Variants in ADAMTSL1 observed in about 807,000 individuals in gnomAD.
ADAMTSL1 encodes ADAMTS-like protein 1.
ADAMTSL1 carries 126 observed loss-of-function variants against 201.8 expected under a neutral mutation model. The ratio of observed to expected loss-of-function variants is 0.62; its 90% CI spans 0.54 to 0.72. The LOEUF is 0.72. ADAMTSL1 is among the 30% of genes least tolerant of loss of function. ADAMTSL1 has a pLI of 0.00. For synonymous variants in ADAMTSL1, 1,121 were observed against 903.4 expected, an observed-to-expected ratio of 1.24 and a Z score of -4.32; for missense variants, 2,679 against 2,277.8, an observed-to-expected ratio of 1.18 and a Z score of -3.59.
intron 3 of ADAMTSL1, 45 bp downstream of exon 3, chr9:18,533,337 A>G (rs1470156641): frequency 1.9e-6 from 3 of 1,555,920 alleles, no homozygotes; most frequent in Non-Finnish European, 2.6e-6. Flanking sequence ...TTTTGTTAGC[A>G]CTGAATGGTG....
chr9:18,904,732 C>CTTTTT (rs373922316), intron 26 of ADAMTSL1, among the ~76,000 whole-genome samples: 6 of 55,248 alleles, frequency 1.1e-4, no homozygotes, highest in African/African-American at 2.7e-4. Context: ...GTTAAGGGGG[C>CTTTTT]TTTTTTTTTT....
At chr9:18,027,182 C>G (rs772966333) in intron 1 of ADAMTSL1, among the ~76,000 whole-genome samples, 8 of 150,416 alleles carry the variant, frequency 5.3e-5, no homozygotes, top group Admixed American at 1.3e-4. Flanking sequence ...TTCATTGGTC[C>G]TTTGTATAGA....
intron 2 of ADAMTSL1, among the ~76,000 whole-genome samples, chr9:18,310,399 A>AC (rs1834097119): frequency 1.6e-5 from 2 of 127,324 alleles, no homozygotes; most frequent in South Asian, 2.5e-4. Flanking sequence ...AAAAAAAAAA[A>AC]CTATCTTCAG....
intron 2 of ADAMTSL1, among the ~76,000 whole-genome samples, chr9:18,447,476 G>A (rs542961967): frequency 2.0e-5 from 3 of 152,184 alleles, no homozygotes; most frequent in Admixed American, 1.3e-4. Flanking sequence ...GAAGAGGGAG[G>A]GAGGGAGACT....
intron 1 of ADAMTSL1, among the ~76,000 whole-genome samples, chr9:18,114,888 C>A (rs957154252): frequency 6.6e-6 from 1 of 152,088 alleles, no homozygotes; most frequent in Non-Finnish European, 1.5e-5. Flanking sequence ...ACAATTCTTT[C>A]TTTGCTGATG....
intron 2 of ADAMTSL1, among the ~76,000 whole-genome samples, chr9:18,434,557 G>C (rs527267224): frequency 3.3e-4 from 50 of 152,290 alleles, no homozygotes; most frequent in Admixed American, 9.2e-4. Context: ...GAGTAATAAA[G>C]ATTTTGAAGA....
chr9:18,428,564 G>T (rs1035161429), intron 2 of ADAMTSL1, among the ~76,000 whole-genome samples: 1 of 152,036 alleles, frequency 6.6e-6, no homozygotes. Flanking sequence ...AGGCTACAGT[G>T]AGCTGTGATG....
intron 26 of ADAMTSL1, among the ~76,000 whole-genome samples, chr9:18,893,466 A>G (rs890108462): frequency 6.6e-6 from 1 of 152,064 alleles, no homozygotes; most frequent in African/African-American, 2.4e-5. Flanking sequence ...CCTCTTTTCT[A>G]CAACCCTCCA....
intron 20 of ADAMTSL1, among the ~76,000 whole-genome samples, chr9:18,816,123 C>A (rs985476939): frequency 4.6e-5 from 7 of 152,196 alleles, no homozygotes; most frequent in African/African-American, 1.7e-4. Flanking sequence ...CTTGACCAAT[C>A]TCTCGCTATC....
chr9:18,525,929 G>T (rs1005965131), intron 2 of ADAMTSL1, among the ~76,000 whole-genome samples: 2 of 152,180 alleles, frequency 1.3e-5, no homozygotes, highest in African/African-American at 4.8e-5. Flanking sequence ...TGTTGATTTG[G>T]GGTGGAGAGT....
chr9:18,261,930 T>C (rs2132537452), intron 2 of ADAMTSL1, among the ~76,000 whole-genome samples: 1 of 152,334 alleles, frequency 6.6e-6, no homozygotes, highest in South Asian at 2.1e-4. Flanking sequence ...CATGGGCTGA[T>C]GAGTCTCTAC....
At chr9:18,618,270 T>G (rs562225503) in intron 4 of ADAMTSL1, among the ~76,000 whole-genome samples, 2 of 152,292 alleles carry the variant, frequency 1.3e-5, no homozygotes, top group African/African-American at 4.8e-5. Flanking sequence ...TGCACACATT[T>G]TTGCAGACTC....
intron 12 of ADAMTSL1, 39 bp from the exon 13 acceptor site, chr9:18,684,677 T>C: frequency 6.2e-7 from 1 of 1,600,980 alleles, no homozygotes; most frequent in South Asian, 1.1e-5. Context: ...AGATTGGTTC[T>C]AACCTCTTCT....
chr9:18,576,434 G>T (rs1822729877), intron 4 of ADAMTSL1, among the ~76,000 whole-genome samples: 1 of 152,148 alleles, frequency 6.6e-6, no homozygotes, highest in Non-Finnish European at 1.5e-5. Context: ...GAAAATGACA[G>T]CATAGCTATA....
At chr9:17,984,149 A>G (rs534183687) in intron 1 of ADAMTSL1, among the ~76,000 whole-genome samples, 2 of 152,174 alleles carry the variant, frequency 1.3e-5, no homozygotes, top group Non-Finnish European at 2.9e-5. Context: ...TACTTTAGCA[A>G]TTAGCAGATT....
intron 7 of ADAMTSL1, 125 bp from the exon 8 acceptor site, chr9:18,657,514 C>T (rs1168052550): frequency 3.1e-6 from 2 of 652,852 alleles, no homozygotes; most frequent in Non-Finnish European, 5.4e-6. Flanking sequence ...GCCACTTCTC[C>T]CGCAGTGCAG....
chr9:18,282,175 T>G (rs187481540), intron 2 of ADAMTSL1, among the ~76,000 whole-genome samples: 9 of 152,356 alleles, frequency 5.9e-5, no homozygotes, highest in Admixed American at 4.6e-4. Context: ...GTTGGTTCTC[T>G]GTTTCTGTGT....
chr9:18,685,097 C>T (rs1830745551), intron 13 of ADAMTSL1: 1 of 611,458 alleles, frequency 1.6e-6, no homozygotes, highest in East Asian at 7.9e-5. Flanking sequence ...TGAGAAGGCC[C>T]AGGCTGCAGC....
intron 16 of ADAMTSL1, among the ~76,000 whole-genome samples, chr9:18,756,122 T>TATATATAC (rs1491270780): frequency 1.0e-4 from 9 of 85,878 alleles, no homozygotes; most frequent in Non-Finnish European, 1.4e-4. Flanking sequence ...TATATATATA[T>TATATATAC]ACAAAAATTA....
Sources: gnomAD v4.1 joint callset for allele counts (sites outside exome capture counted in the v4.1 genomes callset) on GRCh38, gnomAD v4.1.1 for gene constraint, MANE v1.5 for transcripts, NCBI Gene and HGNC (gene_info 2026-07-23, HGNC 2026-07-21) for gene names.